Variants in MAST4 observed in about 807,000 individuals in gnomAD.
MAST4 encodes the protein microtubule-associated serine/threonine-protein kinase 4.
In MAST4, 89 loss-of-function variants were observed where a neutral mutation model predicts 162.7. That is an observed-to-expected ratio of 0.55 (90% CI 0.46 to 0.65). The LOEUF is 0.65. MAST4 is among the 30% of genes least tolerant of loss of function. The probability of loss-of-function intolerance (pLI) is 0.00; values close to 1 mark genes in which losing one functional copy is unlikely to be tolerated. For missense variants in MAST4, 3,153 were observed against 3,374.0 expected, an observed-to-expected ratio of 0.93 and a Z score of 1.62; for synonymous variants, 1,479 against 1,361.1, an observed-to-expected ratio of 1.09 and a Z score of -1.91.
intron 4 of MAST4, chr5:66,959,165 C>T (rs549085309): frequency 4.9e-5 from 38 of 775,220 alleles, no homozygotes; most frequent in South Asian, 2.2e-4. Context: ...TAGAGAGGTT[C>T]GGTTTGGCTC....
At chr5:67,037,405 T>C (rs542381808) in intron 4 of MAST4, among the ~76,000 whole-genome samples, 1 of 152,158 alleles carries the variant, frequency 6.6e-6, no homozygotes, top group African/African-American at 2.4e-5. Flanking sequence ...TTTAGGCTGG[T>C]GTGACTCAGA....
Position 66,616,817 on chromosome 5 carries a change from A to G in MAST4, c.363+19799A>G, listed in dbSNP as rs114787779. Among the ~76,000 whole-genome samples, 397 of 152,360 alleles carry G rather than the reference A, an allele frequency of 2.6e-3. 1 individual carries two copies. The highest frequency in any genetic ancestry group is 9.3e-3 in the African/African-American group (385 of 41,574). ...CAAGAAGAGTAAGACTTCCTCGTGT[A>G]AATAATAAGTACTGCCCCTTTCTTT... On this transcript the variant is annotated intron_variant, in intron 1 of 28. Transcript: ENST00000403625.
intron 4 of MAST4, 51 bp downstream of exon 4, chr5:66,900,033 T>G: frequency 7.9e-7 from 1 of 1,262,142 alleles, no homozygotes; most frequent in Non-Finnish European, 1.1e-6. Context: ...ATATATAGTT[T>G]ATAGTATGAT....
chr5:66,765,229 A>G (rs1173985707), intron 2 of MAST4, among the ~76,000 whole-genome samples: 1 of 152,164 alleles, frequency 6.6e-6, no homozygotes, highest in Non-Finnish European at 1.5e-5. Context: ...CTCAGAATGT[A>G]TACTTTTTGC....
intron 1 of MAST4, among the ~76,000 whole-genome samples, chr5:66,644,748 T>A (rs1038788412): frequency 1.8e-5 from 1 of 56,492 alleles, no homozygotes; most frequent in African/African-American, 9.3e-5. Context: ...TTTGAAGTAG[T>A]TTTTTTTTTT....
chr5:67,081,380 G>A, intron 5 of MAST4, among the ~76,000 whole-genome samples: 1 of 151,862 alleles, frequency 6.6e-6, no homozygotes, highest in East Asian at 1.9e-4. Context: ...AGGTCTTAAT[G>A]CTGTTTTGAG....
chr5:67,045,572 T>G (rs998766142), intron 4 of MAST4, among the ~76,000 whole-genome samples: 3 of 152,180 alleles, frequency 2.0e-5, no homozygotes, highest in Admixed American at 2.0e-4. Context: ...TGGTCCCACA[T>G]GATTGTAATG....
chr5:67,142,337 A>G, intron 20 of MAST4, 84 bp from the exon 21 acceptor site: 1 of 1,529,462 alleles, frequency 6.5e-7, no homozygotes, highest in Non-Finnish European at 8.9e-7. Flanking sequence ...CTTAAACATA[A>G]TGTTGATCCA....
intron 14 of MAST4, among the ~76,000 whole-genome samples, chr5:67,128,035 A>G (rs1768473258): frequency 2.6e-5 from 4 of 152,192 alleles, no homozygotes; most frequent in Admixed American, 1.3e-4. Context: ...TGAATGTAGG[A>G]ATCTAGATTT....
intron 18 of MAST4, among the ~76,000 whole-genome samples, chr5:67,135,128 A>T (rs971240416): frequency 6.6e-6 from 1 of 152,226 alleles, no homozygotes. Flanking sequence ...AATAAACCCT[A>T]AAACAAATGT....
rs201236388 is a variant in MAST4, at chr5:66,596,695, C to G, written c.40C>G (p.Arg14Gly). The G allele has an allele frequency of 1.6e-3, 2,427 of 1,471,582 alleles. 3 individuals carry two copies. The highest frequency in any genetic ancestry group is 2.0e-3 in the Non-Finnish European group (2,176 of 1,112,968). The allele number at this position is 1,471,582 out of a possible 1,614,324, so 91.2% of individuals were successfully genotyped here. A position where few individuals can be genotyped will look rare whatever the true frequency, so the allele number is the denominator to read the frequency against. ...TTCGGAGGCGCCAGAGCCGGTGCCC[C>G]GCGGCTGCAGTGGCCACGGCAGCCG... is the stretch of plus-strand genomic sequence containing the variant. ...KVSEAPEPVP[R>G]GCSGHGSRTP... Residue 14 changes from arginine (R) to glycine (G), a missense_variant, in exon 1 of 29, where the codon CGC (arginine) becomes GGC (glycine). Arg to Gly is a moderately radical substitution (Grantham distance 125). This residue lies in a region of MAST4 where 327 missense variants were observed against 336.5 expected (regional missense o/e 0.97). Transcript: ENST00000403625.
At chr5:66,976,413 G>A (rs949002597) in intron 4 of MAST4, among the ~76,000 whole-genome samples, 2 of 152,212 alleles carry the variant, frequency 1.3e-5, no homozygotes, top group Non-Finnish European at 2.9e-5. Context: ...CAGTCATTTT[G>A]CTTCTGTGAG....
intron 5 of MAST4, among the ~76,000 whole-genome samples, chr5:67,088,144 C>A (rs1312703230): frequency 6.6e-6 from 1 of 152,118 alleles, no homozygotes; most frequent in Non-Finnish European, 1.5e-5. Flanking sequence ...TAAGTCAATT[C>A]TTTGTTTCTT....
At chr5:67,074,588 G>A (rs1221771702) in intron 5 of MAST4, among the ~76,000 whole-genome samples, 2 of 151,678 alleles carry the variant, frequency 1.3e-5, no homozygotes, top group Non-Finnish European at 2.9e-5. Flanking sequence ...TAGTCCATCT[G>A]TATAATGGAA....
intron 5 of MAST4, among the ~76,000 whole-genome samples, chr5:67,061,017 T>G (rs1046679260): frequency 6.6e-6 from 1 of 152,228 alleles, no homozygotes; most frequent in African/African-American, 2.4e-5. Context: ...TGTGAGTTTC[T>G]GATTATAACA....
chr5:66,716,524 A>T (rs1297772051), intron 1 of MAST4, among the ~76,000 whole-genome samples: 558 of 143,596 alleles, frequency 3.9e-3, no homozygotes, highest in Admixed American at 5.9e-3. Context: ...TAAAAAAAAA[A>T]TTTTTTTTTT....
chr5:67,016,149 A>G (rs1212366649), intron 4 of MAST4, among the ~76,000 whole-genome samples: 1 of 152,086 alleles, frequency 6.6e-6, no homozygotes, highest in East Asian at 1.9e-4. Context: ...GCCGAGGAGG[A>G]GGGAGGGGGA....
chr5:66,997,065 A>G (rs1437333816), intron 4 of MAST4, among the ~76,000 whole-genome samples: 2 of 152,162 alleles, frequency 1.3e-5, no homozygotes, highest in African/African-American at 4.8e-5. Context: ...AGCAATTCTG[A>G]GATTAATTTC....
At chr5:66,861,814 T>A (rs151136132) in intron 3 of MAST4, among the ~76,000 whole-genome samples, 166 of 152,316 alleles carry the variant, frequency 1.1e-3, no homozygotes, top group African/African-American at 3.6e-3. Flanking sequence ...TACCCCACCC[T>A]AGAATTTATA....
Sources: gnomAD v4.1 joint callset for allele counts (sites outside exome capture counted in the v4.1 genomes callset) on GRCh38, gnomAD v4.1.1 for gene constraint, gnomAD v4.1.1 regional missense constraint, MANE v1.5 for transcripts, NCBI Gene and HGNC (gene_info 2026-07-23, HGNC 2026-07-21) for gene names.